Variants in CPEB3 observed in about 807,000 individuals in gnomAD.
CPEB3 encodes the protein cytoplasmic polyadenylation element-binding protein 3.
Under a neutral mutation model 67.2 loss-of-function variants are expected in CPEB3, and 20 were observed. The observed-to-expected ratio is 0.30, with a 90% CI of 0.21 to 0.43. The LOEUF (loss-of-function observed/expected upper bound fraction) is 0.43. Among genes scored for constraint, CPEB3 ranks in the 20% least tolerant of loss-of-function variants. The pLI is 1.00. For synonymous variants in CPEB3, 376 were observed against 393.1 expected (o/e 0.96, Z 0.51); for missense variants, 746 against 968.6 (o/e 0.77, Z 3.05).
At chr10:92,124,263 T>C (rs1172970413) in intron 6 of CPEB3, among the ~76,000 whole-genome samples, 1 of 152,254 alleles carries the variant, frequency 6.6e-6, no homozygotes, top group Non-Finnish European at 1.5e-5. Flanking sequence ...CTGTGGACTA[T>C]ATATTCCTAA....
chr10:92,256,702 C>A (rs898980675), intron 1 of CPEB3, among the ~76,000 whole-genome samples: 1 of 152,172 alleles, frequency 6.6e-6, no homozygotes. Context: ...AACTCTTCTA[C>A]ACGTACTCTT....
chr10:92,125,674 T>A (rs886133097), intron 6 of CPEB3, among the ~76,000 whole-genome samples: 2 of 152,024 alleles, frequency 1.3e-5, no homozygotes, highest in African/African-American at 4.8e-5. Flanking sequence ...GTCATGTCCA[T>A]CTTATCTTCC....
At chr10:92,067,637 G>A (rs923025952) in intron 9 of CPEB3, among the ~76,000 whole-genome samples, 7 of 152,032 alleles carry the variant, frequency 4.6e-5, no homozygotes, top group African/African-American at 7.2e-5. Context: ...TGACCAACAC[G>A]GAGAAACCCC....
Position 92,052,134 on chromosome 10 carries a change from T to G in CPEB3, c.*78A>C. The G allele has an allele frequency of 1.1e-6, 1 of 909,180 alleles. No homozygotes were observed. The highest frequency in any genetic ancestry group is 1.5e-5 in the South Asian group (1 of 67,686). The allele number at this position is 909,180 out of a possible 1,614,324, so 56.3% of individuals were successfully genotyped here. ...ACGAATGCACAGATTTCCAGAACACTGTAAGCCCTGAGGCAGTGCCCTCTC... is the reference window on the plus strand; with the variant it reads ...ACGAATGCACAGATTTCCAGAACACGGTAAGCCCTGAGGCAGTGCCCTCTC... On this transcript the variant is annotated 3_prime_UTR_variant, in exon 10 of 10. Coordinates refer to ENST00000265997, the MANE Select transcript of CPEB3 (RefSeq NM_014912.5).
chr10:92,212,898 C>G (rs1850164882), intron 2 of CPEB3, among the ~76,000 whole-genome samples: 1 of 151,990 alleles, frequency 6.6e-6, no homozygotes, highest in Admixed American at 6.6e-5. Context: ...AGCAAGACCC[C>G]ATCTCTACAA....
At chr10:92,087,837 G>T (rs1047299007) in intron 8 of CPEB3, among the ~76,000 whole-genome samples, 1 of 152,180 alleles carries the variant, frequency 6.6e-6, no homozygotes, top group Non-Finnish European at 1.5e-5. Context: ...GAGTGGCAAC[G>T]TGTTGTACTT....
intron 9 of CPEB3, among the ~76,000 whole-genome samples, chr10:92,060,258 C>T (rs1311209453): frequency 6.6e-6 from 1 of 151,640 alleles, no homozygotes; most frequent in African/African-American, 2.4e-5. Flanking sequence ...ACTTGGGAGA[C>T]TGAGGCATGA....
intron 1 of CPEB3, among the ~76,000 whole-genome samples, chr10:92,251,419 A>G (rs772749394): frequency 8.6e-5 from 13 of 151,066 alleles, no homozygotes; most frequent in Non-Finnish European, 2.9e-5. Context: ...CTTCTTTGCT[A>G]ACTGACTTTA....
rs531599763 is a variant in CPEB3, at chr10:92,222,730, A to C, written c.1005+16616T>G. Among the ~76,000 whole-genome samples the C allele has an allele frequency of 2.6e-4, 39 of 152,246 alleles. 1 individual carries two copies. In the South Asian group the frequency reaches 8.1e-3, roughly 32 times the overall value. ...GCTCACTTCTCTCCCTGGAAATACA[A>C]ATGGAGACATAAAATGCAGTTCTGA... is the stretch of plus-strand genomic sequence containing the variant. On this transcript the variant is annotated intron_variant, in intron 2 of 9. Coordinates refer to ENST00000265997, the MANE Select transcript of CPEB3 (RefSeq NM_014912.5).
At chr10:92,264,017 A>G (rs1034567491) in intron 1 of CPEB3, among the ~76,000 whole-genome samples, 6 of 152,126 alleles carry the variant, frequency 3.9e-5, no homozygotes, top group Admixed American at 2.0e-4. Flanking sequence ...CTCATTTTTC[A>G]GATAAGGAAA....
At chr10:92,198,021 G>A (rs1024383311) in intron 2 of CPEB3, among the ~76,000 whole-genome samples, 2 of 152,138 alleles carry the variant, frequency 1.3e-5, no homozygotes, top group South Asian at 2.1e-4. Context: ...CAGGAGAATC[G>A]CTTGAACCCA....
chr10:92,243,586 G>T (rs1851938483), intron 1 of CPEB3, among the ~76,000 whole-genome samples: 1 of 152,130 alleles, frequency 6.6e-6, no homozygotes, highest in South Asian at 2.1e-4. Context: ...GGTTAGAATG[G>T]TAATGACTGG....
intron 4 of CPEB3, among the ~76,000 whole-genome samples, chr10:92,171,963 C>T (rs1048120026): frequency 3.3e-5 from 5 of 152,098 alleles, no homozygotes; most frequent in Admixed American, 2.6e-4. Context: ...ACTACACAAC[C>T]TTACCATTTG....
At chr10:92,285,171 A>C (rs1403277230) in intron 1 of CPEB3, among the ~76,000 whole-genome samples, 1 of 152,240 alleles carries the variant, frequency 6.6e-6, no homozygotes, top group Non-Finnish European at 1.5e-5. Context: ...CTTGATAACT[A>C]TATTAATCCA....
At chr10:92,156,052 TAGGGC>T in intron 4 of CPEB3, among the ~76,000 whole-genome samples, 1 of 152,186 alleles carries the variant, frequency 6.6e-6, no homozygotes, top group Non-Finnish European at 1.5e-5. Context: ...TAACGCTACG[TAGGGC>T]CCAGTGTTAG....
At chr10:92,187,416 C>A (rs1284251638) in intron 3 of CPEB3, among the ~76,000 whole-genome samples, 1 of 152,136 alleles carries the variant, frequency 6.6e-6, no homozygotes, top group Non-Finnish European at 1.5e-5. Flanking sequence ...TAGGCACGAA[C>A]CCCAGATAGT....
chr10:92,275,654 C>A (rs1242349417), intron 1 of CPEB3, among the ~76,000 whole-genome samples: 1 of 152,034 alleles, frequency 6.6e-6, no homozygotes, highest in African/African-American at 2.4e-5. Flanking sequence ...CAAAAAGAAA[C>A]CCCAACACAA....
At chr10:92,116,761 A>C (rs868170992) in intron 6 of CPEB3, among the ~76,000 whole-genome samples, 4 of 152,312 alleles carry the variant, frequency 2.6e-5, no homozygotes, top group South Asian at 4.1e-4. Flanking sequence ...TCTGGAGGGA[A>C]CAGGAACAGT....
At chr10:92,088,390 C>T (rs573798111) in intron 8 of CPEB3, among the ~76,000 whole-genome samples, 6 of 151,984 alleles carry the variant, frequency 3.9e-5, no homozygotes, top group African/African-American at 1.4e-4. Flanking sequence ...TCATGCCTGG[C>T]TAATTTTTGT....
Sources: allele counts gnomAD v4.1 joint callset (sites outside exome capture counted in the v4.1 genomes callset), GRCh38; gene constraint gnomAD v4.1.1; transcripts MANE v1.5; gene names NCBI Gene and HGNC (gene_info 2026-07-23, HGNC 2026-07-21).